Variants in CENPF observed in about 807,000 individuals in gnomAD.
CENPF encodes centromere protein F.
Under a neutral mutation model 307.3 loss-of-function variants are expected in CENPF, and 214 were observed. The observed-to-expected ratio is 0.70, with a 90% CI of 0.62 to 0.78. The LOEUF (loss-of-function observed/expected upper bound fraction) is 0.78. Ranked by LOEUF, CENPF falls within the 30% of genes least tolerant of loss-of-function variation. CENPF has a pLI of 0.00. For synonymous variants in CENPF, 1,259 were observed against 1,270.6 expected (o/e 0.99, Z 0.19); for missense variants, 3,401 against 3,483.9 (o/e 0.98, Z 0.60).
Position 214,663,592 on chromosome 1 carries a change from T to G in CENPF, c.9143T>G (p.Val3048Gly). The G allele has an allele frequency of 6.2e-7, 1 of 1,613,872 alleles. No individual in the cohort carries two copies. The highest frequency in any genetic ancestry group is 8.5e-7 in the Non-Finnish European group (1 of 1,179,920). ...CTAACAGAGATGTTTGTGTTGCAGG[T>G]CAAAGTTGCTCAGCGGAGCCCAGTA... ...PTAGGSRSQK[V>G]KVAQRSPVDS... The change falls in exon 20 of 20, where the codon GTC (valine) becomes GGC (glycine). Residue 3048 changes from valine (V) to glycine (G), a missense_variant and splice_region_variant. Transcript: ENST00000366955.
At chr1:214,656,869 C>T (rs916678632) in intron 17 of CENPF, 64 bp from the exon 18 acceptor site, 9 of 1,063,022 alleles carry the variant, frequency 8.5e-6, no homozygotes, top group African/African-American at 4.8e-5. Context: ...ATCTGCTTCA[C>T]GATGCCCATT....
At position 214,648,264 on chromosome 1, in the gene CENPF, CTG is replaced by C. The variant is rs200972526; in HGVS notation, c.7831-409_7831-408del. ...ACAAATGCAAACAATAGCTTTTTAA[CTG>C]TTTTTCAGTAATCATAAGCATGTTT... On this transcript the variant is annotated intron_variant, in intron 13 of 19. Coordinates refer to ENST00000366955, the MANE Select transcript of CENPF (RefSeq NM_016343.4). 9.2e-3 allele frequency among the ~76,000 whole-genome samples: 1,396 copies of C among 152,204 alleles called. 26 individuals carry two copies. Among genetic ancestry groups the C allele is most frequent in the African/African-American group, 0.032 (1,323 of 41,530 alleles).
intron 17 of CENPF, among the ~76,000 whole-genome samples, chr1:214,656,377 C>T (rs1290664284): frequency 6.6e-6 from 1 of 152,162 alleles, no homozygotes; most frequent in African/African-American, 2.4e-5. Context: ...GGATTTAATA[C>T]ACCCATGGCA....
Position 214,645,947 on chromosome 1 carries a change from T to A in CENPF, c.6377T>A (p.Val2126Asp). The change falls in exon 13 of 20, where the codon GTT (valine) becomes GAT (aspartate). Residue 2126 changes from valine (V) to aspartate (D), a missense_variant. Val to Asp is a radical substitution (Grantham distance 152, BLOSUM62 -3). Coordinates refer to ENST00000366955, the MANE Select transcript of CENPF (RefSeq NM_016343.4). ...QLRRGIEKLR[V>D]RIEADEKKQL... ...AGAAGAGGCATCGAGAAACTGAGAG[T>A]TCGCATTGAGGCCGATGAAAAGAAG... 6.2e-7 allele frequency: 1 copy of A among 1,613,774 alleles called. No homozygotes were observed. Among genetic ancestry groups the A allele is most frequent in the Non-Finnish European group, 8.5e-7 (1 of 1,179,970 alleles).
intron 1 of CENPF, among the ~76,000 whole-genome samples, 157 bp from the exon 2 acceptor site, chr1:214,613,557 C>G (rs1461332417): frequency 6.6e-6 from 1 of 151,772 alleles, no homozygotes; most frequent in African/African-American, 2.4e-5. Flanking sequence ...TGGTTGCCAC[C>G]TTTCAGAGGA....
chr1:214,662,414 T>C (rs1306974491), intron 19 of CENPF, among the ~76,000 whole-genome samples: 5 of 152,252 alleles, frequency 3.3e-5, no homozygotes, highest in African/African-American at 4.8e-5. Context: ...TTTGATCTGT[T>C]GGCCAGATTT....
chr1:214,645,339 T>A lies in CENPF; in HGVS notation c.5769T>A (p.Ala1923=). 1 of 1,614,098 alleles carries A rather than the reference T, an allele frequency of 6.2e-7. No homozygotes were observed. Residue 1923 remains alanine (A), a synonymous_variant, in exon 13 of 20, where the codon GCT becomes GCA. Coordinates refer to ENST00000366955, the MANE Select transcript of CENPF (RefSeq NM_016343.4). ...SIEHEALYLE[A]DLEVVQTEKL... is the part of the protein sequence containing the mutation. Reference sequence around the variant, plus strand: ...AGCATGAAGCCCTCTACCTGGAGGCTGACTTAGAGGTAGTTCAAACAGAGA... The same window carrying A: ...AGCATGAAGCCCTCTACCTGGAGGCAGACTTAGAGGTAGTTCAAACAGAGA...
chr1:214,608,850 C>T (rs1309698704), intron 1 of CENPF: 21 of 1,553,716 alleles, frequency 1.4e-5, no homozygotes, highest in Non-Finnish European at 1.7e-5. Context: ...TGGCGGGCGC[C>T]GCCCGGGCCA....
chr1:214,636,674 A>G (rs576695160), intron 10 of CENPF, among the ~76,000 whole-genome samples: 8 of 152,316 alleles, frequency 5.3e-5, no homozygotes, highest in African/African-American at 1.7e-4. Context: ...CTTCCAACAC[A>G]GTATTGCCAC....
At position 214,619,214 on chromosome 1, in the gene CENPF, G is replaced by A. The variant is rs755059466; in HGVS notation, c.567G>A (p.Gln189=). 1.3e-6 allele frequency: 2 copies of A among 1,522,150 alleles called. No homozygotes were observed. Among genetic ancestry groups the A allele is most frequent in the Non-Finnish European group, 1.8e-6 (2 of 1,105,154 alleles). 94.3% of individuals were successfully genotyped at this position (1,522,150 alleles called of 1,614,324 possible). ...KRLEAEVKAL[Q]AKKASQTLPQ... Reference sequence around the variant, plus strand: ...TAGAGGCAGAGGTTAAAGCCTTGCAGGCTAAAGTAAGTTAATTATGGGCCC... The same window carrying A: ...TAGAGGCAGAGGTTAAAGCCTTGCAAGCTAAAGTAAGTTAATTATGGGCCC... Residue 189 remains glutamine (Q), a synonymous_variant, in exon 5 of 20, where the codon CAG becomes CAA. Transcript: ENST00000366955.
intron 13 of CENPF, chr1:214,647,922 A>C (rs1251103684): frequency 2.2e-6 from 1 of 451,022 alleles, no homozygotes; most frequent in Non-Finnish European, 4.5e-6. Flanking sequence ...TCGTGCTTTC[A>C]GTCCCTCTTA....
At chr1:214,656,031 T>C (rs1462140010) in intron 17 of CENPF, among the ~76,000 whole-genome samples, 3 of 152,214 alleles carry the variant, frequency 2.0e-5, no homozygotes, top group South Asian at 4.1e-4. Context: ...TCTTTGTCAA[T>C]AGATTGGCAT....
chr1:214,619,602 T>G (rs1427707501), intron 5 of CENPF, among the ~76,000 whole-genome samples: 1 of 152,202 alleles, frequency 6.6e-6, no homozygotes, highest in Admixed American at 6.5e-5. Context: ...TTTGATCTAT[T>G]GAATTTTACC....
At position 214,646,228 on chromosome 1, in the gene CENPF, C is replaced by G; in HGVS notation, c.6658C>G (p.Gln2220Glu). ...AAAAGAAAATCTGACAAAACAAATA[C>G]AAGAAAAACAAGGTCAGTTGTCAGA... Reference protein sequence around the residue: ...SEKENLTKQIQEKQGQLSELD... With the variant: ...SEKENLTKQIEEKQGQLSELD... The change falls in exon 13 of 20, where the codon CAA becomes GAA. Residue 2220 changes from glutamine to glutamate, a missense_variant. Coordinates refer to ENST00000366955, the MANE Select transcript of CENPF (RefSeq NM_016343.4). 6.2e-7 allele frequency: 1 copy of G among 1,613,246 alleles called. No homozygotes were observed. Among genetic ancestry groups the G allele is most frequent in the Non-Finnish European group, 8.5e-7 (1 of 1,179,860 alleles).
intron 10 of CENPF, among the ~76,000 whole-genome samples, chr1:214,635,762 T>C (rs1354028210): frequency 6.6e-6 from 1 of 152,218 alleles, no homozygotes; most frequent in African/African-American, 2.4e-5. Context: ...GAGAAAGTCA[T>C]GTTAATCTTT....
chr1:214,635,281 A>C (rs1558179923), intron 10 of CENPF, among the ~76,000 whole-genome samples: 1 of 152,246 alleles, frequency 6.6e-6, no homozygotes, highest in Non-Finnish European at 1.5e-5. Context: ...ATATTCATGG[A>C]TGGGATCATG....
At position 214,619,009 on chromosome 1, in the gene CENPF, A is replaced by G. The variant is rs374687775; in HGVS notation, c.482-120A>G. On this transcript the variant is annotated intron_variant, in intron 4 of 19. Transcript: ENST00000366955. ...ATCAATAGTTTGATCTATTTCCCTA[A>G]CCAAAATGTTGTTTCTACTAAGATA... 53 of 604,134 alleles carry G rather than the reference A, an allele frequency of 8.8e-5. No individual in the cohort carries two copies. The African/African-American group carries it at 9.8e-4, about 11-fold the overall frequency. The allele number at this position is 604,134 out of a possible 1,614,324, so 37.4% of individuals were successfully genotyped here. A position where few individuals can be genotyped will look rare whatever the true frequency, so the allele number is the denominator to read the frequency against.
intron 7 of CENPF, among the ~76,000 whole-genome samples, chr1:214,627,178 G>C (rs1205423437): frequency 6.6e-6 from 1 of 151,638 alleles, no homozygotes; most frequent in Non-Finnish European, 1.5e-5. Flanking sequence ...TTCCACCTCA[G>C]CCTCCCTAGT....
rs568072066 is a variant in CENPF at position 214,605,615 on chromosome 1, G to A, written c.-42+2294G>A. ...GTCCACATGCAGCCCCTGGGGGGCCGGCGCGGGGTGAGGTCCGGGGGCTGC... is the reference window on the plus strand; with the variant it reads ...GTCCACATGCAGCCCCTGGGGGGCCAGCGCGGGGTGAGGTCCGGGGGCTGC... On this transcript the variant is annotated intron_variant, in intron 1 of 19. Coordinates refer to ENST00000366955, the MANE Select transcript of CENPF (RefSeq NM_016343.4). 119 of 1,410,810 alleles carry A rather than the reference G, an allele frequency of 8.4e-5. No individual in the cohort carries two copies. In the African/African-American group the frequency reaches 1.5e-3, roughly 18 times the overall value. 87.4% of individuals were successfully genotyped at this position (1,410,810 alleles called of 1,614,324 possible). A position where few individuals can be genotyped will look rare whatever the true frequency, so the allele number is the denominator to read the frequency against.
Sources: gnomAD v4.1 joint callset for allele counts (sites outside exome capture counted in the v4.1 genomes callset) on GRCh38, gnomAD v4.1.1 for gene constraint, MANE v1.5 for transcripts, NCBI Gene and HGNC (gene_info 2026-07-23, HGNC 2026-07-21) for gene names.